EXOSC10: variants seen among roughly 807,000 people sequenced by gnomAD.
The protein encoded by EXOSC10 is exosome component 10, also known as exosome complex component 10.
In EXOSC10, 94 loss-of-function variants were observed where a neutral mutation model predicts 126.6. That is an observed-to-expected ratio of 0.74 (90% confidence interval 0.63 to 0.88). EXOSC10 has a LOEUF of 0.88. EXOSC10 is among the 40% of genes least tolerant of loss of function. The pLI is 0.00. For synonymous variants in EXOSC10, 395 were observed against 400.8 expected (o/e 0.99, Z 0.17); for missense variants, 1,041 against 1,100.5 (o/e 0.95, Z 0.77).
intron 3 of EXOSC10, among the ~76,000 whole-genome samples, chr1:11,095,246 A>G (rs936433669): frequency 6.6e-6 from 1 of 150,690 alleles, no homozygotes; most frequent in East Asian, 1.9e-4. Flanking sequence ...TCCATGGGGC[A>G]GTAATATTTT....
chr1:11,080,547 T>C lies in EXOSC10; in HGVS notation c.1589A>G (p.Tyr530Cys). Residue 530 changes from tyrosine (Y) to cysteine (C), a missense_variant and splice_region_variant, in exon 13 of 25, where the codon TAT becomes TGT. Coordinates refer to ENST00000376936, the MANE Select transcript of EXOSC10 (RefSeq NM_001001998.3). ...CAGCATCATGTGGTTTGGCAGTACA[T>C]ATCTGGAAAAAAAAAAACACACACA... is the stretch of plus-strand genomic sequence containing the variant. ...TARREDESYG[Y>C]VLPNHMMLKI... 6.3e-7 allele frequency: 1 copy of C among 1,598,054 alleles called. No individual in the cohort carries two copies. Among genetic ancestry groups the C allele is most frequent in the South Asian group, 1.1e-5 (1 of 90,540 alleles).
chr1:11,078,515 C>T (rs1403468192), intron 14 of EXOSC10, among the ~76,000 whole-genome samples: 1 of 152,064 alleles, frequency 6.6e-6, no homozygotes, highest in Non-Finnish European at 1.5e-5. Context: ...CCTCGGCCTC[C>T]CAAAGTGCTG....
At chr1:11,067,438 G>GA (rs34154272) in intron 24 of EXOSC10, among the ~76,000 whole-genome samples, 74,620 of 129,298 alleles carry the variant, frequency 0.58, 24,638 homozygotes, top group Non-Finnish European at 0.74. Context: ...TCTCAAAGAA[G>GA]AAAAAAAAAA....
intron 9 of EXOSC10, among the ~76,000 whole-genome samples, chr1:11,086,908 A>T (rs1640526227): frequency 6.6e-6 from 1 of 152,212 alleles, no homozygotes; most frequent in Admixed American, 6.5e-5. Flanking sequence ...CAATTAAAAG[A>T]ACTAGAAAAG....
chr1:11,083,917 G>A (rs1340185967), intron 9 of EXOSC10, among the ~76,000 whole-genome samples: 2 of 152,096 alleles, frequency 1.3e-5, no homozygotes, highest in East Asian at 3.9e-4. Flanking sequence ...TGAGAATGAT[G>A]ATTTCCAATT....
Position 11,074,177 on chromosome 1 carries a change from A to G in EXOSC10, c.2082+54T>C, listed in dbSNP as rs1247359807. On this transcript the variant is annotated intron_variant, in intron 18 of 24. Transcript: ENST00000376936. ...GCTTCCTTCCCAGGTAAAAGCATGT[A>G]CAGCTGTAGGCATCTCTGCATATCC... 13 of 1,474,502 alleles carry G rather than the reference A, an allele frequency of 8.8e-6. No homozygotes were observed. In the Admixed American group the frequency reaches 2.0e-4, roughly 23 times the overall value. 91.3% of individuals were successfully genotyped at this position (1,474,502 alleles called of 1,614,324 possible). A position where few individuals can be genotyped will look rare whatever the true frequency, so the allele number is the denominator to read the frequency against.
At chr1:11,077,571 C>T (rs1244552265) in intron 15 of EXOSC10, 30 bp downstream of exon 15, 3 of 1,613,888 alleles carry the variant, frequency 1.9e-6, no homozygotes, top group Non-Finnish European at 2.5e-6. Context: ...GTTTTCCCTC[C>T]TGGGGGAGAA....
chr1:11,098,225 G>T (rs1031880111), intron 1 of EXOSC10, 69 bp from the exon 2 acceptor site: 15 of 1,523,596 alleles, frequency 9.8e-6, no homozygotes, highest in African/African-American at 2.8e-5. Flanking sequence ...TCATTTTTTT[G>T]ATCTATCGTA....
At chr1:11,069,751 T>C in intron 21 of EXOSC10, 21 bp from the exon 22 acceptor site, 1 of 1,611,894 alleles carries the variant, frequency 6.2e-7, no homozygotes, top group Non-Finnish European at 8.5e-7. Context: ...GGAACAGATG[T>C]GGGGGAGGAA....
In EXOSC10 at chr1:11,071,824, G is replaced by A. The variant is rs868353225; in HGVS notation, c.2242+263C>T. On this transcript the variant is annotated intron_variant, in intron 20 of 24. Transcript: ENST00000376936. Reference sequence around the variant, plus strand: ...AGAACTCTTCTCTAGGTCACTGCAGGTCTCGTCAATGTCGCATTCATTAGA... The same window carrying A: ...AGAACTCTTCTCTAGGTCACTGCAGATCTCGTCAATGTCGCATTCATTAGA... The A allele has an allele frequency of 1.7e-4, 68 of 396,392 alleles. 2 individuals are homozygous for A. In the Middle Eastern group the frequency reaches 2.9e-3, roughly 17 times the overall value. The allele number at this position is 396,392 out of a possible 1,614,324, so 24.6% of individuals were successfully genotyped here. A position where few individuals can be genotyped will look rare whatever the true frequency, so the allele number is the denominator to read the frequency against.
chr1:11,085,157 C>T (rs1640420953), intron 9 of EXOSC10, among the ~76,000 whole-genome samples: 2 of 152,154 alleles, frequency 1.3e-5, no homozygotes, highest in Non-Finnish European at 2.9e-5. Context: ...TTTTCCAATT[C>T]TGTGAAGAAA....
intron 3 of EXOSC10, among the ~76,000 whole-genome samples, chr1:11,093,707 C>T (rs951142657): frequency 9.2e-5 from 14 of 152,224 alleles, no homozygotes; most frequent in East Asian, 1.9e-4. Context: ...TTTTGAGTAA[C>T]GGTACAAATA....
chr1:11,083,848 A>G (rs1017900072), intron 9 of EXOSC10, among the ~76,000 whole-genome samples: 2 of 151,976 alleles, frequency 1.3e-5, no homozygotes, highest in Non-Finnish European at 2.9e-5. Flanking sequence ...TCATTGTTCA[A>G]TTCCCACCTA....
chr1:11,087,560 G>C lies in EXOSC10; in HGVS notation c.977C>G (p.Thr326Ser). ...HHSYRSFLGL[T>S]CLMQISTRTE... Reference sequence around the variant, plus strand: ...CCGAGTAGAAATTTGCATCAGGCAGGTCAGTCCCAGGAAGCTCCTGTAAGA... The same window carrying C: ...CCGAGTAGAAATTTGCATCAGGCAGCTCAGTCCCAGGAAGCTCCTGTAAGA... Residue 326 changes from threonine to serine, a missense_variant, in exon 9 of 25, where the codon ACC (threonine) becomes AGC (serine). Transcript: ENST00000376936. 1 of 1,614,142 alleles carries C rather than the reference G, an allele frequency of 6.2e-7. No individual in the cohort carries two copies. The highest frequency in any genetic ancestry group is 8.5e-7 in the Non-Finnish European group (1 of 1,180,042).
intron 3 of EXOSC10, among the ~76,000 whole-genome samples, chr1:11,093,902 G>T (rs1183607096): frequency 6.6e-6 from 1 of 151,982 alleles, no homozygotes; most frequent in East Asian, 1.9e-4. Flanking sequence ...AACACAGCAA[G>T]ACATTGTCTC....
At chr1:11,086,223 A>G (rs1050254094) in intron 9 of EXOSC10, among the ~76,000 whole-genome samples, 9 of 152,018 alleles carry the variant, frequency 5.9e-5, no homozygotes, top group Non-Finnish European at 1.2e-4. Context: ...TACCTCTGGT[A>G]GAATTCGGCT....
chr1:11,077,459 C>A lies in EXOSC10; in HGVS notation c.1801-16G>T. ...TCTCCAATCTCTGCATTAAAAGACACCAGCAGGCTGGCATGTAAAACGTGC... is the reference window on the plus strand; with the variant it reads ...TCTCCAATCTCTGCATTAAAAGACAACAGCAGGCTGGCATGTAAAACGTGC... On this transcript the variant is annotated splice_polypyrimidine_tract_variant and intron_variant, in intron 15 of 24. Coordinates refer to ENST00000376936, the MANE Select transcript of EXOSC10 (RefSeq NM_001001998.3). 6.2e-7 allele frequency: 1 copy of A among 1,611,560 alleles called. No homozygotes were observed. The highest frequency in any genetic ancestry group is 8.5e-7 in the Non-Finnish European group (1 of 1,177,670).
chr1:11,068,109 G>C lies in EXOSC10; in HGVS notation c.2551-25C>G, dbSNP rs757543276. 16 of 1,602,720 alleles carry C rather than the reference G, an allele frequency of 1.0e-5. No individual in the cohort carries two copies. The East Asian group carries it at 3.3e-4, about 34-fold the overall frequency. ...TCTGAAAAGAAAAGAAACCGTTTAA[G>C]CTGGGTGGGCACCTTGACCACAAGA... On this transcript the variant is annotated intron_variant, in intron 23 of 24. Coordinates refer to ENST00000376936, the MANE Select transcript of EXOSC10 (RefSeq NM_001001998.3).
Position 11,091,546 on chromosome 1 carries a change from G to A in EXOSC10, c.424C>T (p.Leu142Phe), listed in dbSNP as rs1444447034. 3.1e-6 allele frequency: 5 copies of A among 1,614,186 alleles called. No homozygotes were observed. The highest frequency in any genetic ancestry group is 4.2e-6 in the Non-Finnish European group (5 of 1,180,022). Residue 142 changes from leucine (L) to phenylalanine (F), a missense_variant, in exon 4 of 25, where the codon CTC becomes TTC. Physicochemically the swap from Leu to Phe is conservative, Grantham distance 22 (BLOSUM62 0). Around this residue, in one of 3 missense-constraint regions of EXOSC10, gnomAD observed 645 missense variants for 656.3 expected, o/e 0.98. Coordinates refer to ENST00000376936, the MANE Select transcript of EXOSC10 (RefSeq NM_001001998.3). ...TTGGGGACCTGCAAGCCGGCAGGGA[G>A]GACAGGCTGTTGATTCTTGTTTACA... ...SGVNKNQQPVLPAGLQVPKTV... is the reference protein window; with the variant it reads ...SGVNKNQQPVFPAGLQVPKTV...
Sources: allele counts gnomAD v4.1 joint callset (sites outside exome capture counted in the v4.1 genomes callset), GRCh38; gene constraint gnomAD v4.1.1; regional missense constraint gnomAD v4.1.1; transcripts MANE v1.5; gene names NCBI Gene and HGNC (gene_info 2026-07-23, HGNC 2026-07-21).